Variants in NAV2 observed in about 807,000 individuals in gnomAD.
NAV2 encodes neuron navigator 2, also known as helicase, APC down-regulated 1.
Under a neutral mutation model 223.2 loss-of-function variants are expected in NAV2, and 54 were observed. The ratio of observed to expected loss-of-function variants is 0.24; its 90% CI spans 0.19 to 0.30. The LOEUF is 0.30. Among genes scored for constraint, NAV2 ranks in the 10% least tolerant of loss-of-function variants. NAV2 has a pLI of 1.00. For synonymous variants in NAV2, 1,279 were observed against 1,239.3 expected (o/e 1.03, Z -0.67); for missense variants, 2,806 against 3,147.5 (o/e 0.89, Z 2.60).
chr11:19,555,981 C>T (rs2044874815), intron 1 of NAV2, among the ~76,000 whole-genome samples: 1 of 152,082 alleles, frequency 6.6e-6, no homozygotes, highest in African/African-American at 2.4e-5. Flanking sequence ...ACAGACCCTG[C>T]CCTCCCATTT....
At chr11:19,560,069 G>A (rs933734354) in intron 1 of NAV2, among the ~76,000 whole-genome samples, 1 of 152,178 alleles carries the variant, frequency 6.6e-6, no homozygotes, top group Non-Finnish European at 1.5e-5. Context: ...AATTGCATTT[G>A]GTGGTTTTCC....
At chr11:19,794,063 C>A (rs1168251557) in intron 1 of NAV2, among the ~76,000 whole-genome samples, 4 of 152,200 alleles carry the variant, frequency 2.6e-5, no homozygotes, top group African/African-American at 9.7e-5. Flanking sequence ...CCTCACTCAA[C>A]TTGTAGATGA....
intron 1 of NAV2, among the ~76,000 whole-genome samples, chr11:19,424,249 A>G (rs180999182): frequency 6.6e-6 from 1 of 152,218 alleles, no homozygotes; most frequent in Admixed American, 6.5e-5. Context: ...TTAAGGAGCC[A>G]TGGGTATTGT....
chr11:19,766,929 GA>G (rs1259787902), intron 1 of NAV2, among the ~76,000 whole-genome samples: 1 of 152,176 alleles, frequency 6.6e-6, no homozygotes, highest in African/African-American at 2.4e-5. Context: ...GACTGCAGGG[GA>G]TGATCCTGTG....
At chr11:20,100,346 T>G (rs1422480196) in intron 31 of NAV2, among the ~76,000 whole-genome samples, 1 of 152,162 alleles carries the variant, frequency 6.6e-6, no homozygotes, top group African/African-American at 2.4e-5. Flanking sequence ...GTATTCACAT[T>G]CCGGAATCAA....
At chr11:19,932,954 A>C (rs1238243240) in intron 6 of NAV2, among the ~76,000 whole-genome samples, 1 of 152,212 alleles carries the variant, frequency 6.6e-6, no homozygotes, top group Non-Finnish European at 1.5e-5. Flanking sequence ...CATGCCACCA[A>C]AATGTGATGG....
chr11:19,867,176 A>G (rs1189323391), intron 3 of NAV2, among the ~76,000 whole-genome samples: 1 of 152,162 alleles, frequency 6.6e-6, no homozygotes, highest in Non-Finnish European at 1.5e-5. Context: ...TGCACTTACA[A>G]ATGGGAGCAG....
At chr11:19,464,363 G>A (rs762614651) in intron 1 of NAV2, among the ~76,000 whole-genome samples, 12 of 151,268 alleles carry the variant, frequency 7.9e-5, no homozygotes, top group African/African-American at 2.7e-4. Context: ...GAAGTTTCTC[G>A]TTAATAAGCT....
intron 11 of NAV2, among the ~76,000 whole-genome samples, chr11:20,011,211 G>A (rs367792326): frequency 1.9e-4 from 29 of 151,948 alleles, no homozygotes; most frequent in African/African-American, 6.0e-4. Context: ...TGAGGTTTCT[G>A]TTTCTGATAA....
At chr11:19,825,507 G>A (rs1164602084) in intron 1 of NAV2, among the ~76,000 whole-genome samples, 5 of 152,012 alleles carry the variant, frequency 3.3e-5, no homozygotes, top group Non-Finnish European at 5.9e-5. Flanking sequence ...GTTTCTCCTG[G>A]AGCTGCTAAC....
At chr11:19,757,507 C>A (rs1356082605) in intron 1 of NAV2, among the ~76,000 whole-genome samples, 2 of 152,154 alleles carry the variant, frequency 1.3e-5, no homozygotes, top group South Asian at 4.1e-4. Flanking sequence ...AACTGTGTGA[C>A]CTTAGGCAAG....
At chr11:19,899,747 T>A (rs10833189) in intron 6 of NAV2, among the ~76,000 whole-genome samples, 5 of 152,090 alleles carry the variant, frequency 3.3e-5, no homozygotes, top group Non-Finnish European at 7.4e-5. Flanking sequence ...TCATTTGTAT[T>A]GATTTCCATT....
chr11:19,636,716 C>T (rs548309794), intron 1 of NAV2, among the ~76,000 whole-genome samples: 10 of 152,230 alleles, frequency 6.6e-5, no homozygotes, highest in South Asian at 4.2e-4. Context: ...GTGATCCACC[C>T]GCCTCGGCCT....
intron 1 of NAV2, among the ~76,000 whole-genome samples, chr11:19,574,059 G>C (rs1169439983): frequency 6.6e-6 from 1 of 152,204 alleles, no homozygotes; most frequent in African/African-American, 2.4e-5. Flanking sequence ...ATGATAGTGT[G>C]AAGGGCATTT....
intron 1 of NAV2, among the ~76,000 whole-genome samples, chr11:19,570,180 C>T (rs753574732): frequency 4.6e-5 from 7 of 152,248 alleles, no homozygotes; most frequent in East Asian, 3.9e-4. Context: ...TCTTGGGCTC[C>T]GGAGCTGAAG....
At chr11:19,604,438 C>T (rs555814796) in intron 1 of NAV2, among the ~76,000 whole-genome samples, 5 of 152,046 alleles carry the variant, frequency 3.3e-5, no homozygotes, top group East Asian at 3.9e-4. Context: ...CATTGGGGTC[C>T]GAGCAACAGG....
At chr11:20,017,635 C>T (rs970648336) in intron 11 of NAV2, among the ~76,000 whole-genome samples, 4 of 152,220 alleles carry the variant, frequency 2.6e-5, no homozygotes, top group African/African-American at 7.2e-5. Context: ...CTTATATTCT[C>T]AGTGTCCAGT....
rs1025599141 is a variant in NAV2, at chr11:20,119,428, G to A, written c.*1170G>A. The A allele has an allele frequency of 6.6e-6, 1 of 152,616 alleles. No individual in the cohort carries two copies. The highest frequency in any genetic ancestry group is 2.4e-5 in the African/African-American group (1 of 41,428). The allele number at this position is 152,616 out of a possible 1,614,324, so 9.5% of individuals were successfully genotyped here. On this transcript the variant is annotated 3_prime_UTR_variant, in exon 38 of 38. Transcript: ENST00000349880. ...TTGCCTTCCCTTCTCGTCCTTGAGG[G>A]TTTAGAACACACACCAACACCTCCA...
chr11:19,560,329 A>T (rs556334305), intron 1 of NAV2, among the ~76,000 whole-genome samples: 4 of 152,212 alleles, frequency 2.6e-5, no homozygotes, highest in Admixed American at 6.5e-5. Flanking sequence ...CGAGAAAACA[A>T]GTTCTCACTG....
Sources: allele counts gnomAD v4.1 joint callset (sites outside exome capture counted in the v4.1 genomes callset), GRCh38; gene constraint gnomAD v4.1.1; transcripts MANE v1.5; gene names NCBI Gene and HGNC (gene_info 2026-07-23, HGNC 2026-07-21).